Variants in OLA1 observed in about 807,000 individuals in gnomAD.
OLA1 encodes the protein obg-like ATPase 1.
Under a neutral mutation model 48.4 loss-of-function variants are expected in OLA1, and 14 were observed. The observed-to-expected ratio is 0.29, with a 90% confidence interval of 0.19 to 0.45. The LOEUF is 0.45. Among genes scored for constraint, OLA1 ranks in the 20% least tolerant of loss-of-function variants. The probability of loss-of-function intolerance (pLI) is 1.00; values close to 1 mark genes in which losing one functional copy is unlikely to be tolerated. For missense variants in OLA1, 325 were observed against 467.1 expected, an observed-to-expected ratio of 0.70 and a Z score of 2.80; for synonymous variants, 127 against 150.4, an observed-to-expected ratio of 0.84 and a Z score of 1.14.
intron 1 of OLA1, chr2:174,247,583 T>G: frequency 2.6e-6 from 4 of 1,531,736 alleles, no homozygotes; most frequent in Non-Finnish European, 3.5e-6. Context: ...CAAGTCACCC[T>G]TCACACCAAA....
intron 7 of OLA1, among the ~76,000 whole-genome samples, chr2:174,113,887 C>G (rs1302808751): frequency 6.6e-6 from 1 of 152,040 alleles, no homozygotes; most frequent in East Asian, 1.9e-4. Context: ...AACCGCCTGC[C>G]CTATCTGTAA....
chr2:174,083,777 AC>A (rs1273665637), intron 7 of OLA1, among the ~76,000 whole-genome samples: 2 of 152,228 alleles, frequency 1.3e-5, no homozygotes, highest in Non-Finnish European at 2.9e-5. Context: ...CAGATCACAT[AC>A]CAAATAGATT....
chr2:174,234,445 T>C (rs1041136324), intron 2 of OLA1, among the ~76,000 whole-genome samples: 3 of 151,912 alleles, frequency 2.0e-5, no homozygotes, highest in African/African-American at 4.8e-5. Context: ...TGTTCAAGGG[T>C]CAACTGTAAT....
intron 10 of OLA1, among the ~76,000 whole-genome samples, 179 bp from the exon 11 acceptor site, chr2:174,075,706 G>T (rs1166567732): frequency 1.3e-5 from 2 of 152,166 alleles, no homozygotes; most frequent in Non-Finnish European, 2.9e-5. Flanking sequence ...AAGTATTCTT[G>T]ATTTGGGCAG....
rs1451303539 is a variant in OLA1 at position 174,163,707 on chromosome 2, AATAAATATATATATATATATATATATAT to A, written c.374-21735_374-21708del. Among the ~76,000 whole-genome samples, 17 of 39,972 alleles carry A rather than the reference AATAAATATATATATATATATATATATAT, an allele frequency of 4.3e-4. 2 individuals are homozygous for A. The highest frequency in any genetic ancestry group is 8.8e-4 in the African/African-American group (8 of 9,048). 26.2% of individuals were successfully genotyped at this position (39,972 alleles called of 152,430 possible). On this transcript the variant is annotated intron_variant, in intron 4 of 10. Coordinates refer to ENST00000284719, the MANE Select transcript of OLA1 (RefSeq NM_013341.5). Reference sequence around the variant, plus strand: ...CCTTGTCTCAAAAATAAAATAAATAAATAAATATATATATATATATATATATATATATATATATATATATATATATATA... The same window carrying A: ...CCTTGTCTCAAAAATAAAATAAATAAATATATATATATATATATATATATA...
At chr2:174,219,097 T>C (rs1204922874) in intron 4 of OLA1, among the ~76,000 whole-genome samples, 6 of 151,436 alleles carry the variant, frequency 4.0e-5, no homozygotes, top group East Asian at 2.0e-4. Flanking sequence ...GCTAGGATTA[T>C]AGGCATGAGC....
At chr2:174,154,303 G>A (rs1686819035) in intron 4 of OLA1, among the ~76,000 whole-genome samples, 1 of 152,028 alleles carries the variant, frequency 6.6e-6, no homozygotes, top group African/African-American at 2.4e-5. Context: ...TTAGCCTTCT[G>A]CCTGTAGAAA....
At chr2:174,153,515 A>G (rs1447138482) in intron 4 of OLA1, among the ~76,000 whole-genome samples, 2 of 152,092 alleles carry the variant, frequency 1.3e-5, no homozygotes, top group Non-Finnish European at 2.9e-5. Flanking sequence ...GAAGCAACAC[A>G]TTACAATATT....
At chr2:174,200,929 C>G (rs1026175360) in intron 4 of OLA1, among the ~76,000 whole-genome samples, 4 of 152,154 alleles carry the variant, frequency 2.6e-5, no homozygotes, top group African/African-American at 9.7e-5. Flanking sequence ...CAATAGTAAG[C>G]ATCTACTTTC....
intron 3 of OLA1, among the ~76,000 whole-genome samples, chr2:174,224,257 T>C (rs1384475162): frequency 6.6e-6 from 1 of 152,194 alleles, no homozygotes; most frequent in African/African-American, 2.4e-5. Flanking sequence ...TTGGACACAG[T>C]GACTGCCTCC....
At chr2:174,154,967 A>C (rs1175443254) in intron 4 of OLA1, among the ~76,000 whole-genome samples, 1 of 151,972 alleles carries the variant, frequency 6.6e-6, no homozygotes, top group Non-Finnish European at 1.5e-5. Flanking sequence ...CTTCCTTCTT[A>C]CTTCTGCCTT....
At chr2:174,137,255 A>G (rs758717489) in intron 5 of OLA1, among the ~76,000 whole-genome samples, 5 of 152,144 alleles carry the variant, frequency 3.3e-5, no homozygotes, top group Non-Finnish European at 4.4e-5. Context: ...AATGAAAGGA[A>G]TTGTTTTTTC....
intron 5 of OLA1, among the ~76,000 whole-genome samples, chr2:174,139,517 C>A (rs1323427924): frequency 6.6e-6 from 1 of 152,232 alleles, no homozygotes; most frequent in Non-Finnish European, 1.5e-5. Flanking sequence ...TTATCCCACT[C>A]CTGCCTTCTT....
intron 4 of OLA1, among the ~76,000 whole-genome samples, chr2:174,192,047 T>C (rs1687788511): frequency 6.6e-6 from 1 of 152,214 alleles, no homozygotes; most frequent in Admixed American, 6.5e-5. Context: ...ATTCTTTCTT[T>C]CTTCCTCTTT....
chr2:174,095,325 GTTTTT>G (rs1205716344), intron 7 of OLA1, among the ~76,000 whole-genome samples: 265 of 78,006 alleles, frequency 3.4e-3, no homozygotes, highest in East Asian at 0.028. Flanking sequence ...GTTATTTCCT[GTTTTT>G]TTTTTTTTTT....
intron 1 of OLA1, 63 bp from the exon 2 acceptor site, chr2:174,246,878 T>C: frequency 1.1e-6 from 1 of 870,398 alleles, no homozygotes; most frequent in South Asian, 1.5e-5. Context: ...CCAAAACACA[T>C]TTCATCACAT....
At position 174,073,673 on chromosome 2, in the gene OLA1, C is replaced by CT. The variant is rs1684659188; in HGVS notation, c.*1752dup. On this transcript the variant is annotated 3_prime_UTR_variant, in exon 11 of 11. Transcript: ENST00000284719. ...AAGTAAAATTGCATGATCCTAATGT[C>CT]TTTTTACTGATTTCAAACTTCTTTA... 6.6e-6 allele frequency: 1 copy of CT among 152,146 alleles called. No homozygotes were observed. 9.4% of individuals were successfully genotyped at this position (152,146 alleles called of 1,614,324 possible).
At chr2:174,111,281 AAAC>A (rs1685642762) in intron 7 of OLA1, among the ~76,000 whole-genome samples, 1 of 152,208 alleles carries the variant, frequency 6.6e-6, no homozygotes, top group Non-Finnish European at 1.5e-5. Flanking sequence ...ACTAGGATAC[AAAC>A]AACATAAAAA....
chr2:174,200,214 T>G (rs1687961077), intron 4 of OLA1, among the ~76,000 whole-genome samples: 1 of 152,128 alleles, frequency 6.6e-6, no homozygotes, highest in African/African-American at 2.4e-5. Flanking sequence ...TTGAGAGCCC[T>G]TAATAATTTT....
Sources: allele counts gnomAD v4.1 joint callset (sites outside exome capture counted in the v4.1 genomes callset), GRCh38; gene constraint gnomAD v4.1.1; transcripts MANE v1.5; gene names NCBI Gene and HGNC (gene_info 2026-07-23, HGNC 2026-07-21).